KALRN: variants seen among roughly 807,000 people sequenced by gnomAD.
The protein encoded by KALRN is kalirin RhoGEF kinase.
Under a neutral mutation model 353.7 loss-of-function variants are expected in KALRN, and 70 were observed. That is an observed-to-expected ratio of 0.20 (90% CI 0.16 to 0.24). The LOEUF is 0.24. Ranked by LOEUF, KALRN falls within the 10% of genes least tolerant of loss-of-function variation. The pLI, the probability that KALRN is intolerant of heterozygous loss-of-function variation, is 1.00. For missense variants in KALRN, 2,791 were observed against 3,756.7 expected (o/e 0.74, Z 6.72); for synonymous variants, 1,391 against 1,434.8 (o/e 0.97, Z 0.69).
chr3:124,319,868 C>T (rs988296114), intron 6 of KALRN, among the ~76,000 whole-genome samples: 9 of 151,950 alleles, frequency 5.9e-5, no homozygotes, highest in African/African-American at 2.2e-4. Flanking sequence ...GTGACATGCG[C>T]CTGTAATCGC....
At chr3:124,710,278 T>C (rs1048821483) in intron 57 of KALRN, among the ~76,000 whole-genome samples, 1 of 152,224 alleles carries the variant, frequency 6.6e-6, no homozygotes, top group Non-Finnish European at 1.5e-5. Context: ...TGAATATTGA[T>C]TATAATTCTA....
At chr3:124,701,245 C>T (rs950701910) in intron 56 of KALRN, among the ~76,000 whole-genome samples, 2 of 152,214 alleles carry the variant, frequency 1.3e-5, no homozygotes, top group East Asian at 3.8e-4. Flanking sequence ...GGAATTGACA[C>T]ATCACACAAG....
In KALRN at chr3:124,214,620, G is replaced by A. The variant is rs2077167166; in HGVS notation, c.74-13370G>A. 2.6e-5 allele frequency among the ~76,000 whole-genome samples: 4 copies of A among 152,192 alleles called. No individual in the cohort carries two copies. In the South Asian group the frequency reaches 8.3e-4, roughly 32 times the overall value. Reference sequence around the variant, plus strand: ...GGGAGAGGATTATGAGTGCTGGGGAGTTGGTGAGAAAATCGTTTCAGAGAG... The same window carrying A: ...GGGAGAGGATTATGAGTGCTGGGGAATTGGTGAGAAAATCGTTTCAGAGAG... On this transcript the variant is annotated intron_variant, in intron 1 of 59. Coordinates refer to ENST00000682506, the MANE Select transcript of KALRN (RefSeq NM_001388419.1).
chr3:124,485,443 T>G (rs1173964846), intron 28 of KALRN, among the ~76,000 whole-genome samples: 5 of 152,210 alleles, frequency 3.3e-5, no homozygotes, highest in Non-Finnish European at 5.9e-5. Flanking sequence ...TGTTTTGCTG[T>G]GGGCAGTCGA....
rs538539352 is a variant in KALRN, at chr3:124,477,575, C to T, written c.4191+241C>T. Among the ~76,000 whole-genome samples, 7 of 152,284 alleles carry T rather than the reference C, an allele frequency of 4.6e-5. No homozygotes were observed. The East Asian group carries it at 1.2e-3, about 25-fold the overall frequency. ...TTTGTCTCCATGCCTCCACACCAAA[C>T]CTAGGAAGTCATAAAGCACATGTTT... On this transcript the variant is annotated intron_variant, in intron 27 of 59. Transcript: ENST00000682506.
At chr3:124,577,505 A>G (rs1216004686) in intron 34 of KALRN, among the ~76,000 whole-genome samples, 1 of 152,226 alleles carries the variant, frequency 6.6e-6, no homozygotes, top group East Asian at 1.9e-4. Flanking sequence ...GATTCTGGCA[A>G]GCACACTTTT....
At chr3:124,101,939 G>A (rs1386767438) in intron 1 of KALRN, among the ~76,000 whole-genome samples, 1 of 152,032 alleles carries the variant, frequency 6.6e-6, no homozygotes, top group Admixed American at 6.6e-5. Flanking sequence ...ATGATGTGTG[G>A]GTTCTTTGTG....
chr3:124,334,182 C>T lies in KALRN; in HGVS notation c.1417-83C>T. 8.5e-7 allele frequency: 1 copy of T among 1,177,336 alleles called. No homozygotes were observed. The highest frequency in any genetic ancestry group is 1.3e-5 in the South Asian group (1 of 76,788). 72.9% of individuals were successfully genotyped at this position (1,177,336 alleles called of 1,614,324 possible). ...GATTCTCAGAAGGCCTAGTCAGGGA[C>T]CCTCAGGCAGACACTTCCTGCTTCT... is the stretch of plus-strand genomic sequence containing the variant. On this transcript the variant is annotated intron_variant, in intron 8 of 59. Transcript: ENST00000682506. This position sits in a 1 kb window ranked among gnomAD's most constrained non-coding sequence, Gnocchi z 4.2.
intron 38 of KALRN, among the ~76,000 whole-genome samples, chr3:124,651,612 C>G (rs559482750): frequency 1.3e-5 from 2 of 150,160 alleles, no homozygotes; most frequent in Admixed American, 1.3e-4. Context: ...TCCTCCAAAA[C>G]TTTCATTTTC....
chr3:124,595,389 G>C (rs1003361449), intron 34 of KALRN, among the ~76,000 whole-genome samples: 1 of 152,170 alleles, frequency 6.6e-6, no homozygotes, highest in African/African-American at 2.4e-5. Context: ...CATGGTGGGA[G>C]TATTTATACC....
chr3:124,421,733 G>A (rs547819318), intron 14 of KALRN, among the ~76,000 whole-genome samples: 16 of 152,202 alleles, frequency 1.1e-4, no homozygotes, highest in Non-Finnish European at 2.2e-4. Context: ...CTCTCTCCGA[G>A]TTCGTTCATT....
At chr3:124,368,321 C>A (rs556001060) in intron 10 of KALRN, among the ~76,000 whole-genome samples, 2 of 148,592 alleles carry the variant, frequency 1.3e-5, no homozygotes, top group African/African-American at 2.5e-5. Context: ...GGCTGCCGGG[C>A]GGAGGGGCTC....
At chr3:124,307,553 G>T (rs1029328078) in intron 6 of KALRN, among the ~76,000 whole-genome samples, 1 of 128,278 alleles carries the variant, frequency 7.8e-6, no homozygotes, top group African/African-American at 2.8e-5. Context: ...TTAAGTTAAT[G>T]TACAGTAGAA....
At chr3:124,541,998 T>G (rs2069090008) in intron 33 of KALRN, among the ~76,000 whole-genome samples, 1 of 152,096 alleles carries the variant, frequency 6.6e-6, no homozygotes. Context: ...AAAGCCCAGA[T>G]CTTCTTAGGG....
chr3:124,661,759 G>T, intron 44 of KALRN, 92 bp from the exon 45 acceptor site: 1 of 958,636 alleles, frequency 1.0e-6, no homozygotes, highest in Admixed American at 1.7e-5. Flanking sequence ...AGCCACCAGA[G>T]ATGAAGTCCC....
intron 3 of KALRN, among the ~76,000 whole-genome samples, chr3:124,259,192 G>A (rs2072495833): frequency 6.6e-6 from 1 of 152,212 alleles, no homozygotes; most frequent in African/African-American, 2.4e-5. Context: ...ACACTTCAGA[G>A]TTACTCTGCA....
At chr3:124,140,062 T>G (rs2066437191) in intron 1 of KALRN, among the ~76,000 whole-genome samples, 1 of 152,198 alleles carries the variant, frequency 6.6e-6, no homozygotes, top group Non-Finnish European at 1.5e-5. Flanking sequence ...TTTTATCTGA[T>G]GATTAGGACT....
intron 1 of KALRN, among the ~76,000 whole-genome samples, chr3:124,139,219 CA>C (rs952525230): frequency 3.4e-4 from 52 of 152,172 alleles, no homozygotes; most frequent in African/African-American, 1.2e-3. Context: ...AATGAGGAGG[CA>C]AAGGGATTCT....
At chr3:124,119,878 G>A (rs898864148) in intron 1 of KALRN, among the ~76,000 whole-genome samples, 2 of 152,162 alleles carry the variant, frequency 1.3e-5, no homozygotes, top group African/African-American at 4.8e-5. Context: ...AATGCCTTTG[G>A]GGGTGATACA....
Sources: gnomAD v4.1 joint callset for allele counts (sites outside exome capture counted in the v4.1 genomes callset) on GRCh38, gnomAD v4.1.1 for gene constraint, Gnocchi (gnomAD v3.1) non-coding constraint, MANE v1.5 for transcripts, NCBI Gene and HGNC (gene_info 2026-07-23, HGNC 2026-07-21) for gene names.